Variants in IFNAR2 observed in about 807,000 individuals in gnomAD.
The protein encoded by IFNAR2 is interferon alpha and beta receptor subunit 2, also known as interferon alpha/beta receptor 2.
In IFNAR2, 30 loss-of-function variants were observed where a neutral mutation model predicts 49.4. The ratio of observed to expected loss-of-function variants is 0.61; its 90% CI spans 0.45 to 0.82. The LOEUF (loss-of-function observed/expected upper bound fraction) is 0.82, where lower values mean the gene tolerates loss of function less well. Ranked by LOEUF, IFNAR2 falls within the 40% of genes least tolerant of loss-of-function variation. IFNAR2 has a pLI of 0.00. For missense variants in IFNAR2, 600 were observed against 622.7 expected, an observed-to-expected ratio of 0.96 and a Z score of 0.39; for synonymous variants, 224 against 234.5, an observed-to-expected ratio of 0.96 and a Z score of 0.41.
intron 2 of IFNAR2, among the ~76,000 whole-genome samples, chr21:33,242,450 T>C (rs1172392473): frequency 3.2e-4 from 48 of 152,036 alleles, no homozygotes; most frequent in Admixed American, 3.1e-3. Flanking sequence ...ATCTCGTGTG[T>C]GTCCGGGCGC....
chr21:33,247,904 A>C (rs1472345861), intron 5 of IFNAR2, among the ~76,000 whole-genome samples: 1 of 152,220 alleles, frequency 6.6e-6, no homozygotes, highest in Non-Finnish European at 1.5e-5. Context: ...TTCGGATACG[A>C]CATTTGCTGG....
chr21:33,235,034 T>C (rs1275179790), intron 1 of IFNAR2, among the ~76,000 whole-genome samples: 2 of 152,330 alleles, frequency 1.3e-5, no homozygotes, highest in Admixed American at 1.3e-4. Context: ...TTTTCGATGA[T>C]ATAGGGTAAC....
Sources: allele counts gnomAD v4.1 joint callset (sites outside exome capture counted in the v4.1 genomes callset), GRCh38; gene constraint gnomAD v4.1.1; transcripts MANE v1.5; gene names NCBI Gene and HGNC (gene_info 2026-07-23, HGNC 2026-07-21).